DPYD: variants seen among roughly 807,000 people sequenced by gnomAD.
DPYD encodes the protein dihydropyrimidine dehydrogenase [NADP(+)].
A neutral mutation model predicts 116.2 loss-of-function variants in DPYD; 109 were observed. The ratio of observed to expected loss-of-function variants is 0.94; its 90% CI spans 0.80 to 1.10. The LOEUF is 1.10. DPYD is among the 50% of genes least tolerant of loss of function. The pLI, the probability that DPYD is intolerant of heterozygous loss-of-function variation, is 0.00. For missense variants in DPYD, 1,302 were observed against 1,254.5 expected, an observed-to-expected ratio of 1.04 and a Z score of -0.57; for synonymous variants, 440 against 432.0, an observed-to-expected ratio of 1.02 and a Z score of -0.23.
chr1:97,581,086 A>T (rs1489984962), intron 10 of DPYD, among the ~76,000 whole-genome samples: 6 of 152,088 alleles, frequency 3.9e-5, no homozygotes, highest in Middle Eastern at 6.8e-3. Context: ...CAGGCAGATC[A>T]CGAGGTCTGG....
intron 21 of DPYD, among the ~76,000 whole-genome samples, chr1:97,093,873 T>C (rs1156519371): frequency 1.3e-5 from 2 of 151,982 alleles, no homozygotes; most frequent in Admixed American, 1.3e-4. Flanking sequence ...ATGCAAGATA[T>C]CTTAATATAT....
chr1:97,440,502 T>C (rs964065151), intron 14 of DPYD, among the ~76,000 whole-genome samples: 3 of 152,132 alleles, frequency 2.0e-5, no homozygotes, highest in Admixed American at 6.5e-5. Flanking sequence ...TATAACTCTT[T>C]GAGGCTTTAT....
chr1:97,420,389 A>C (rs1268527649), intron 14 of DPYD, among the ~76,000 whole-genome samples: 3 of 152,146 alleles, frequency 2.0e-5, no homozygotes. Context: ...GAAAACTTGT[A>C]GATTTTTTTA....
At chr1:97,816,512 C>T (rs1252189393) in intron 3 of DPYD, among the ~76,000 whole-genome samples, 1 of 151,992 alleles carries the variant, frequency 6.6e-6, no homozygotes, top group Non-Finnish European at 1.5e-5. Flanking sequence ...GTATAGATAC[C>T]ATGATTCATC....
At chr1:97,720,599 T>C in intron 5 of DPYD, 2 of 1,137,644 alleles carry the variant, frequency 1.8e-6, no homozygotes, top group Non-Finnish European at 2.2e-6. Context: ...GATTTATTAC[T>C]AAGAGCAAAG....
At chr1:97,583,460 T>TG (rs1201176461) in intron 10 of DPYD, among the ~76,000 whole-genome samples, 1 of 152,176 alleles carries the variant, frequency 6.6e-6, no homozygotes, top group Admixed American at 6.5e-5. Flanking sequence ...TGGCAGCTGT[T>TG]GGAGTATCTC....
At position 97,493,421 on chromosome 1, in the gene DPYD, A is replaced by C. The variant is rs149351219; in HGVS notation, c.1740+22305T>G. ...AACTTTTTCATTGCCTTTGAAATTT[A>C]TTTTTGTCTTTAAAGATTTAAGAAG... On this transcript the variant is annotated intron_variant, in intron 13 of 22. Transcript: ENST00000370192. Among the ~76,000 whole-genome samples, 32 of 152,232 alleles carry C rather than the reference A, an allele frequency of 2.1e-4. 1 individual carries two copies. In the East Asian group the frequency reaches 6.2e-3, roughly 29 times the overall value.
intron 6 of DPYD, among the ~76,000 whole-genome samples, chr1:97,692,725 A>G (rs1363492906): frequency 6.6e-6 from 1 of 152,216 alleles, no homozygotes; most frequent in Non-Finnish European, 1.5e-5. Flanking sequence ...AGGGAAGGAT[A>G]CACAAAAGAT....
At chr1:97,627,568 T>A (rs988372667) in intron 8 of DPYD, among the ~76,000 whole-genome samples, 3 of 152,194 alleles carry the variant, frequency 2.0e-5, no homozygotes, top group African/African-American at 7.2e-5. Flanking sequence ...TCATTTCTTG[T>A]TAACAAAGAA....
At chr1:97,624,777 G>A (rs999254601) in intron 8 of DPYD, among the ~76,000 whole-genome samples, 2 of 151,864 alleles carry the variant, frequency 1.3e-5, no homozygotes, top group African/African-American at 4.8e-5. Context: ...AATACTATTC[G>A]GACTTAAAAA....
rs1460645059 is a variant in DPYD, at chr1:97,867,646, GA to G, written c.150+15617del. On this transcript the variant is annotated intron_variant, in intron 2 of 22. Coordinates refer to ENST00000370192, the MANE Select transcript of DPYD (RefSeq NM_000110.4). ...CATAGGATCATCTCAATTGATGCAG[GA>G]AAAAACATTGGACAAAACTGAATAT... Among the ~76,000 whole-genome samples the G allele has an allele frequency of 9.9e-5, 15 of 151,760 alleles. No homozygotes were observed. The East Asian group carries it at 2.7e-3, about 28-fold the overall frequency.
intron 16 of DPYD, among the ~76,000 whole-genome samples, chr1:97,353,450 CT>C (rs964654763): frequency 6.6e-6 from 1 of 152,020 alleles, no homozygotes; most frequent in African/African-American, 2.4e-5. Context: ...TTTTTTCCCC[CT>C]TTTAAAGCCT....
chr1:97,560,558 CAA>C (rs67653141), intron 11 of DPYD, among the ~76,000 whole-genome samples: 23,678 of 111,318 alleles, frequency 0.21, 2,310 homozygotes, highest in African/African-American at 0.36. Context: ...ATTCAATTAG[CAA>C]AAAAAAAAAA....
At chr1:97,288,768 C>T (rs1208402831) in intron 18 of DPYD, among the ~76,000 whole-genome samples, 8 of 150,368 alleles carry the variant, frequency 5.3e-5, no homozygotes, top group Middle Eastern at 3.4e-3. Context: ...AACATCACAA[C>T]TAAAAGAACT....
intron 14 of DPYD, among the ~76,000 whole-genome samples, chr1:97,442,673 T>C (rs1437523647): frequency 6.6e-6 from 1 of 152,054 alleles, no homozygotes; most frequent in African/African-American, 2.4e-5. Flanking sequence ...ACTTACATGA[T>C]ATAGGACATA....
At chr1:97,800,124 A>G (rs1667775765) in intron 3 of DPYD, among the ~76,000 whole-genome samples, 1 of 151,982 alleles carries the variant, frequency 6.6e-6, no homozygotes, top group South Asian at 2.1e-4. Context: ...TAATAATGGT[A>G]GTTTAAATTT....
At chr1:97,240,753 A>G (rs1662281193) in intron 18 of DPYD, among the ~76,000 whole-genome samples, 1 of 152,008 alleles carries the variant, frequency 6.6e-6, no homozygotes, top group Non-Finnish European at 1.5e-5. Flanking sequence ...TCAAGGATTT[A>G]GGAGGTGAGA....
At chr1:97,715,810 C>G (rs1185034250) in intron 5 of DPYD, among the ~76,000 whole-genome samples, 1 of 152,024 alleles carries the variant, frequency 6.6e-6, no homozygotes, top group Non-Finnish European at 1.5e-5. Context: ...CTCCACTCTT[C>G]TATTTGATAG....
intron 10 of DPYD, among the ~76,000 whole-genome samples, chr1:97,584,022 G>A (rs975593008): frequency 1.3e-5 from 2 of 152,136 alleles, no homozygotes; most frequent in African/African-American, 4.8e-5. Context: ...CTAGTTTACA[G>A]TCCCACGAAC....
Sources: allele counts gnomAD v4.1 joint callset (sites outside exome capture counted in the v4.1 genomes callset), GRCh38; gene constraint gnomAD v4.1.1; transcripts MANE v1.5; gene names NCBI Gene and HGNC (gene_info 2026-07-23, HGNC 2026-07-21).